The following CUL4A variants were observed in gnomAD, a reference collection of about 807,000 sequenced individuals.
CUL4A encodes cullin-4A.
In CUL4A, 16 loss-of-function variants were observed where a neutral mutation model predicts 95.5. That is an observed-to-expected ratio of 0.17 (90% CI 0.11 to 0.25). The LOEUF (loss-of-function observed/expected upper bound fraction) is 0.25. CUL4A is among the 10% of genes least tolerant of loss of function. CUL4A has a pLI of 1.00. For missense variants in CUL4A, 610 were observed against 937.0 expected, an observed-to-expected ratio of 0.65 and a Z score of 4.56; for synonymous variants, 380 against 353.1, an observed-to-expected ratio of 1.08 and a Z score of -0.85.
chr13:113,246,295 C>G (rs2041855623), intron 15 of CUL4A, among the ~76,000 whole-genome samples: 1 of 152,186 alleles, frequency 6.6e-6, no homozygotes, highest in Non-Finnish European at 1.5e-5. Flanking sequence ...GCAGGGGGCC[C>G]ATGAGCACAG....
intron 5 of CUL4A, among the ~76,000 whole-genome samples, chr13:113,231,672 A>G (rs542896331): frequency 1.3e-5 from 2 of 152,180 alleles, no homozygotes; most frequent in Non-Finnish European, 2.9e-5. Flanking sequence ...AGGCACAGAG[A>G]CATTAAGCTT....
At chr13:113,220,879 T>A (rs1472064786) in intron 3 of CUL4A, among the ~76,000 whole-genome samples, 1 of 152,228 alleles carries the variant, frequency 6.6e-6, no homozygotes, top group African/African-American at 2.4e-5. Flanking sequence ...AATTACTGTA[T>A]TTCCCTGGTG....
At chr13:113,243,508 A>G (rs781460612) in intron 11 of CUL4A, among the ~76,000 whole-genome samples, 2 of 152,178 alleles carry the variant, frequency 1.3e-5, no homozygotes, top group Non-Finnish European at 2.9e-5. Flanking sequence ...AAATGATAAT[A>G]CTATTTTTAA....
chr13:113,257,805 A>G (rs967778011), intron 18 of CUL4A, among the ~76,000 whole-genome samples: 2 of 152,200 alleles, frequency 1.3e-5, no homozygotes, highest in African/African-American at 4.8e-5. Flanking sequence ...AAGTTTTTAC[A>G]TTTAAATCTT....
chr13:113,217,906 T>C (rs992828296), intron 2 of CUL4A, among the ~76,000 whole-genome samples: 1 of 152,150 alleles, frequency 6.6e-6, no homozygotes, highest in African/African-American at 2.4e-5. Context: ...TTCTTTGAGG[T>C]GAGTAAAAAT....
At chr13:113,211,257 A>T (rs554469828) in intron 2 of CUL4A, among the ~76,000 whole-genome samples, 89 of 152,344 alleles carry the variant, frequency 5.8e-4, no homozygotes, top group African/African-American at 2.1e-3. Flanking sequence ...TTCACTTAGG[A>T]CAGTGCTTTT....
At chr13:113,218,876 CA>C in intron 2 of CUL4A, 68 bp from the exon 3 acceptor site, 3 of 1,077,824 alleles carry the variant, frequency 2.8e-6, no homozygotes, top group Middle Eastern at 2.0e-4. Context: ...GCTATGTTAA[CA>C]ATAGGGTTTT....
At chr13:113,222,264 G>A (rs976085091) in intron 3 of CUL4A, among the ~76,000 whole-genome samples, 1 of 152,172 alleles carries the variant, frequency 6.6e-6, no homozygotes, top group Non-Finnish European at 1.5e-5. Context: ...GCATGGCTGG[G>A]TTATGTTGGT....
intron 3 of CUL4A, among the ~76,000 whole-genome samples, chr13:113,225,497 A>G (rs757063380): frequency 2.0e-5 from 3 of 152,222 alleles, no homozygotes; most frequent in Admixed American, 6.5e-5. Flanking sequence ...AACACTTTAC[A>G]TTGGACTTTC....
chr13:113,220,901 CTG>C (rs918472150), intron 3 of CUL4A, among the ~76,000 whole-genome samples: 2 of 152,130 alleles, frequency 1.3e-5, no homozygotes, highest in African/African-American at 4.8e-5. Context: ...AGTGGCAAAA[CTG>C]TGATTACAAA....
intron 2 of CUL4A, among the ~76,000 whole-genome samples, chr13:113,212,504 C>T (rs1439563144): frequency 6.6e-6 from 1 of 152,170 alleles, no homozygotes; most frequent in African/African-American, 2.4e-5. Context: ...GAGTCAGAGT[C>T]GGGTGCAGTG....
Position 113,263,645 on chromosome 13 carries a change from C to A in CUL4A, c.*63C>A. 9.4e-7 allele frequency: 1 copy of A among 1,058,868 alleles called. No individual in the cohort carries two copies. Among genetic ancestry groups the A allele is most frequent in the Non-Finnish European group, 1.4e-6 (1 of 718,216 alleles). The allele number at this position is 1,058,868 out of a possible 1,614,324, so 65.6% of individuals were successfully genotyped here. ...ATGTACCCTCAGAGCAGGAAGCACA[C>A]CTGTGCCATTTCTGGGACTCTGATT... On this transcript the variant is annotated 3_prime_UTR_variant, in exon 20 of 20. Transcript: ENST00000375440.
At chr13:113,209,221 G>A (rs571953242), upstream of CUL4A, among the ~76,000 whole-genome samples, 1 of 148,934 alleles carries the variant, frequency 6.7e-6, no homozygotes, top group Non-Finnish European at 1.5e-5. Flanking sequence ...GGGGCCCTCA[G>A]GAGGGTGTCC....
At chr13:113,228,157 C>A in intron 4 of CUL4A, 112 bp downstream of exon 4, 3 of 833,368 alleles carry the variant, frequency 3.6e-6, no homozygotes, top group African/African-American at 1.7e-5. Flanking sequence ...GTGTTCAGTG[C>A]TGTGGTTGAA....
At chr13:113,263,419 C>A in intron 19 of CUL4A, 68 bp from the exon 20 acceptor site, 1 of 762,358 alleles carries the variant, frequency 1.3e-6, no homozygotes, top group African/African-American at 1.8e-5. Flanking sequence ...ATGCATATAC[C>A]CCTTGTATGT....
intron 18 of CUL4A, 35 bp downstream of exon 18, chr13:113,255,160 G>T (rs202242155): frequency 1.3e-6 from 2 of 1,492,620 alleles, no homozygotes; most frequent in Non-Finnish European, 1.8e-6. Context: ...CTTATAGGGG[G>T]TTTAGCAGGG....
intron 4 of CUL4A, among the ~76,000 whole-genome samples, chr13:113,229,078 C>G (rs1028407364): frequency 9.2e-5 from 14 of 152,014 alleles, no homozygotes; most frequent in African/African-American, 3.4e-4. Context: ...CACATCACGC[C>G]ACCGCACTCC....
At chr13:113,260,038 T>C (rs1007632603) in intron 18 of CUL4A, among the ~76,000 whole-genome samples, 4 of 149,022 alleles carry the variant, frequency 2.7e-5, no homozygotes, top group African/African-American at 9.9e-5. Context: ...ACCCTGTCTC[T>C]ACTAAAAATA....
At chr13:113,247,092 C>T (rs2316463) in intron 15 of CUL4A, among the ~76,000 whole-genome samples, 31,316 of 151,900 alleles carry the variant, frequency 0.21, 3,909 homozygotes, top group South Asian at 0.43. Flanking sequence ...AGAGAGAGGG[C>T]GCAACAGGTG....
Sources: gnomAD v4.1 joint callset for allele counts (sites outside exome capture counted in the v4.1 genomes callset) on GRCh38, gnomAD v4.1.1 for gene constraint, MANE v1.5 for transcripts, NCBI Gene and HGNC (gene_info 2026-07-23, HGNC 2026-07-21) for gene names.